The following GRIA3 variants were observed in gnomAD, a reference collection of about 807,000 sequenced individuals.
GRIA3 encodes glutamate ionotropic receptor AMPA type subunit 3.
GRIA3 carries 3 observed loss-of-function variants against 63.0 expected under a neutral mutation model. The ratio of observed to expected loss-of-function variants is 0.05; its 90% CI spans 0.02 to 0.12. The LOEUF (loss-of-function observed/expected upper bound fraction) is 0.12. Among genes scored for constraint, GRIA3 ranks in the 10% least tolerant of loss-of-function variants. GRIA3 has a pLI of 1.00. For missense variants in GRIA3, 347 were observed against 700.9 expected, an observed-to-expected ratio of 0.50 and a Z score of 5.70; for synonymous variants, 274 against 257.9, an observed-to-expected ratio of 1.06 and a Z score of -0.60.
intron 2 of GRIA3, among the ~76,000 whole-genome samples, chrX:123,188,934 T>C (rs775833014): frequency 8.9e-6 from 1 of 111,960 alleles, no homozygotes; most frequent in Non-Finnish European, 1.9e-5. Context: ...GTTTGAAAGG[T>C]TTCCTTGCGA....
chrX:123,242,207 C>T (rs1249535714), intron 2 of GRIA3, among the ~76,000 whole-genome samples: 4 of 112,112 alleles, frequency 3.6e-5, no homozygotes, highest in Non-Finnish European at 5.6e-5. Flanking sequence ...TTTAAGCCTA[C>T]AGAAAATAAA....
At chrX:123,346,802 G>A (rs1031603860) in intron 4 of GRIA3, among the ~76,000 whole-genome samples, 1 of 111,820 alleles carries the variant, frequency 8.9e-6, no homozygotes, top group Admixed American at 9.5e-5. Context: ...GTATCTCCAT[G>A]GTCCAGCCCC....
intron 5 of GRIA3, among the ~76,000 whole-genome samples, chrX:123,377,686 G>A (rs2045295622): frequency 8.9e-6 from 1 of 111,759 alleles, no homozygotes; most frequent in Non-Finnish European, 1.9e-5. Context: ...CCATGAGCCA[G>A]CCAATTTTTG....
At chrX:123,340,503 G>C (rs1411237597) in intron 4 of GRIA3, among the ~76,000 whole-genome samples, 1 of 112,009 alleles carries the variant, frequency 8.9e-6, no homozygotes, top group African/African-American at 3.2e-5. Flanking sequence ...GAGAAGTAGA[G>C]ATTATATAGG....
At chrX:123,207,576 T>C (rs766100209) in intron 2 of GRIA3, among the ~76,000 whole-genome samples, 2 of 112,215 alleles carry the variant, frequency 1.8e-5, no homozygotes, top group South Asian at 7.5e-4. Context: ...ACTGTTTCCT[T>C]TCAGATTCGG....
At position 123,479,202 on chromosome X, in the gene GRIA3, G is replaced by A. The variant is rs1485966825; in HGVS notation, c.2325-861G>A. ...TTCTCTACAGCGTTACCCAACAGTG[G>A]CAGAGTCATTTTGCTGGTTTAGGCC... is the stretch of plus-strand genomic sequence containing the variant. On this transcript the variant is annotated intron_variant, in intron 13 of 15. Transcript: ENST00000620443. Among the ~76,000 whole-genome samples the A allele has an allele frequency of 4.4e-5, 5 of 112,445 alleles. No individual in the cohort carries two copies. The Admixed American group carries it at 4.7e-4, about 11-fold the overall frequency.
chrX:123,298,641 A>C (rs1381185045), intron 3 of GRIA3, among the ~76,000 whole-genome samples: 1 of 111,725 alleles, frequency 9.0e-6, no homozygotes, highest in African/African-American at 3.2e-5. Flanking sequence ...TACCTTTATC[A>C]GACTCATAGT....
At chrX:123,266,402 T>C (rs768874241) in intron 3 of GRIA3, among the ~76,000 whole-genome samples, 1 of 111,643 alleles carries the variant, frequency 9.0e-6, no homozygotes, top group African/African-American at 3.2e-5. Flanking sequence ...ACTCAGTGAA[T>C]GGCACTGCCC....
At chrX:123,390,358 C>T (rs1050208326) in intron 5 of GRIA3, among the ~76,000 whole-genome samples, 10 of 111,878 alleles carry the variant, frequency 8.9e-5, no homozygotes, top group Non-Finnish European at 1.7e-4. Context: ...TTTGTTATTT[C>T]TCCTTCATTT....
intron 2 of GRIA3, among the ~76,000 whole-genome samples, chrX:123,193,767 A>G (rs1927502780): frequency 8.9e-6 from 1 of 112,222 alleles, no homozygotes; most frequent in Non-Finnish European, 1.9e-5. Context: ...GCTATCTGGA[A>G]GGGAATAAAT....
chrX:123,330,710 C>G (rs2044935791), intron 4 of GRIA3, among the ~76,000 whole-genome samples: 1 of 110,868 alleles, frequency 9.0e-6, no homozygotes, highest in Non-Finnish European at 1.9e-5. Context: ...AAGGACAGTA[C>G]CAGAGCAAAT....
intron 12 of GRIA3, among the ~76,000 whole-genome samples, chrX:123,443,257 A>G (rs903902843): frequency 1.8e-5 from 2 of 112,219 alleles, no homozygotes; most frequent in Admixed American, 9.4e-5. Context: ...GAGAGAAATC[A>G]TGGCCAAAAG....
In GRIA3 at chrX:123,417,635, T is replaced by C. The variant is rs748365386; in HGVS notation, c.1734T>C (p.Pro578=). 1 of 1,196,826 alleles carries C rather than the reference T, an allele frequency of 8.4e-7. No individual in the cohort carries two copies. Among genetic ancestry groups the C allele is most frequent in the South Asian group, 1.8e-5 (1 of 54,140 alleles). ...TTTTCCTAGTCAGCAGGTTCAGTCC[T>C]TATGAATGGCACTTGGAAGACAACA... ...VVLFLVSRFS[P]YEWHLEDNNE... Residue 578 remains proline, a synonymous_variant, in exon 11 of 16, where the codon CCT becomes CCC. Coordinates refer to ENST00000620443, the MANE Select transcript of GRIA3 (RefSeq NM_007325.5).
At chrX:123,356,508 C>T (rs2045134827) in intron 5 of GRIA3, among the ~76,000 whole-genome samples, 2 of 111,459 alleles carry the variant, frequency 1.8e-5, no homozygotes, top group African/African-American at 6.5e-5. Context: ...AATATATTTC[C>T]TTACTATGTA....
intron 4 of GRIA3, among the ~76,000 whole-genome samples, chrX:123,340,823 A>G (rs964104718): frequency 1.8e-5 from 2 of 111,772 alleles, no homozygotes; most frequent in Admixed American, 9.5e-5. Context: ...TATTCACCCT[A>G]TGATGACTTA....
At chrX:123,204,334 A>T in intron 2 of GRIA3, 1 of 944,750 alleles carries the variant, frequency 1.1e-6, no homozygotes, top group Non-Finnish European at 1.5e-6. Flanking sequence ...AAGTTCCAAA[A>T]GGTGACCCCA....
At chrX:123,481,770 C>G (rs2045913786) in intron 14 of GRIA3, among the ~76,000 whole-genome samples, 1 of 111,653 alleles carries the variant, frequency 9.0e-6, no homozygotes, top group African/African-American at 3.3e-5. Context: ...CTCAAGACAC[C>G]AACTTTTTTC....
At chrX:123,240,393 T>C (rs1665779534) in intron 2 of GRIA3, among the ~76,000 whole-genome samples, 1 of 111,566 alleles carries the variant, frequency 9.0e-6, no homozygotes, top group African/African-American at 3.3e-5. Context: ...TATTGAGACA[T>C]ATTTGAAGGA....
intron 1 of GRIA3, among the ~76,000 whole-genome samples, chrX:123,185,184 GA>G (rs1219685571): frequency 9.0e-6 from 1 of 111,690 alleles, no homozygotes; most frequent in East Asian, 2.9e-4. Context: ...GTTGGTGGTG[GA>G]TGGGGTAGGA....
Sources: allele counts gnomAD v4.1 joint callset (sites outside exome capture counted in the v4.1 genomes callset), GRCh38; gene constraint gnomAD v4.1.1; transcripts MANE v1.5; gene names NCBI Gene and HGNC (gene_info 2026-07-23, HGNC 2026-07-21).